The following GAS7 variants were observed in gnomAD, a reference collection of about 807,000 sequenced individuals.
GAS7 encodes growth arrest-specific protein 7.
Under a neutral mutation model 71.1 loss-of-function variants are expected in GAS7, and 28 were observed. That is an observed-to-expected ratio of 0.39 (90% CI 0.29 to 0.54). GAS7 has a LOEUF of 0.54. GAS7 is among the 20% of genes least tolerant of loss of function. The pLI, the probability that GAS7 is intolerant of heterozygous loss-of-function variation, is 0.62. For missense variants in GAS7, 436 were observed against 627.8 expected (o/e 0.69, Z 3.27); for synonymous variants, 258 against 245.8 (o/e 1.05, Z -0.46).
At chr17:9,997,128 A>G (rs1280013867) in intron 2 of GAS7, among the ~76,000 whole-genome samples, 1 of 152,004 alleles carries the variant, frequency 6.6e-6, no homozygotes, top group East Asian at 1.9e-4. Flanking sequence ...AGGCTGAATC[A>G]GTCAATGCTA....
At chr17:10,011,967 C>A in intron 2 of GAS7, among the ~76,000 whole-genome samples, 1 of 141,476 alleles carries the variant, frequency 7.1e-6, no homozygotes. Flanking sequence ...AAGAGTGAAA[C>A]TCCATCTCAA....
chr17:10,067,426 G>A (rs2073293345), intron 1 of GAS7, among the ~76,000 whole-genome samples: 1 of 151,952 alleles, frequency 6.6e-6, no homozygotes, highest in African/African-American at 2.4e-5. Context: ...TGTAGTTTTA[G>A]TAGAGACGGG....
intron 1 of GAS7, among the ~76,000 whole-genome samples, chr17:10,184,061 AAAC>A (rs992743817): frequency 1.6e-4 from 24 of 152,136 alleles, no homozygotes; most frequent in Admixed American, 2.6e-4. Context: ...AAACCACACA[AAAC>A]AACCAGTTAT....
At chr17:9,993,527 T>C (rs1039256131) in intron 2 of GAS7, among the ~76,000 whole-genome samples, 19 of 152,232 alleles carry the variant, frequency 1.2e-4, no homozygotes, top group African/African-American at 4.6e-4. Flanking sequence ...ATGGGACGTA[T>C]TTCAAAATAA....
chr17:10,001,205 A>C (rs987728206), intron 2 of GAS7, among the ~76,000 whole-genome samples: 1 of 152,200 alleles, frequency 6.6e-6, no homozygotes, highest in Non-Finnish European at 1.5e-5. Context: ...AATCTGAGAA[A>C]GATCAAGAGA....
At chr17:10,181,815 G>C (rs183613706) in intron 1 of GAS7, among the ~76,000 whole-genome samples, 3 of 152,292 alleles carry the variant, frequency 2.0e-5, no homozygotes, top group Admixed American at 1.3e-4. Flanking sequence ...GATCAAACAG[G>C]ATCCAGTAAA....
intron 1 of GAS7, among the ~76,000 whole-genome samples, chr17:10,190,849 CA>C (rs199548142): frequency 0.013 from 1,715 of 136,472 alleles, 36 homozygotes; most frequent in South Asian, 0.077. Context: ...ATATATCTCA[CA>C]AAAAAAAAAA....
At chr17:10,126,511 TCACA>T (rs370747217) in intron 1 of GAS7, among the ~76,000 whole-genome samples, 1 of 139,232 alleles carries the variant, frequency 7.2e-6, no homozygotes, top group Non-Finnish European at 1.5e-5. Flanking sequence ...CAAACACGTA[TCACA>T]CACGCACACA....
intron 3 of GAS7, among the ~76,000 whole-genome samples, chr17:9,980,047 T>C (rs2070355913): frequency 1.3e-5 from 2 of 151,414 alleles, no homozygotes; most frequent in African/African-American, 4.9e-5. Flanking sequence ...ACACAGGGGG[T>C]TCCTTTCTTA....
At chr17:10,120,223 C>T (rs868165944) in intron 1 of GAS7, among the ~76,000 whole-genome samples, 3 of 151,230 alleles carry the variant, frequency 2.0e-5, no homozygotes, top group Non-Finnish European at 2.9e-5. Flanking sequence ...ACAGAAGGTA[C>T]GGCCACCAGG....
intron 1 of GAS7, among the ~76,000 whole-genome samples, chr17:10,184,440 T>C (rs1194555858): frequency 6.6e-6 from 1 of 152,318 alleles, no homozygotes; most frequent in South Asian, 2.1e-4. Flanking sequence ...GGTAGCCTCA[T>C]ATAATCCACT....
At chr17:9,947,492 C>T (rs558905547) in intron 5 of GAS7, among the ~76,000 whole-genome samples, 1 of 152,248 alleles carries the variant, frequency 6.6e-6, no homozygotes, top group South Asian at 2.1e-4. Flanking sequence ...CGCCTGTAAT[C>T]CCAGCACTTT....
intron 4 of GAS7, among the ~76,000 whole-genome samples, chr17:9,968,938 A>G (rs1336737878): frequency 6.6e-6 from 1 of 152,206 alleles, no homozygotes; most frequent in Non-Finnish European, 1.5e-5. Context: ...AAGCTTCATT[A>G]AGAACATCTT....
chr17:10,006,037 A>C (rs1045229625), intron 2 of GAS7, among the ~76,000 whole-genome samples: 1 of 152,154 alleles, frequency 6.6e-6, no homozygotes, highest in Non-Finnish European at 1.5e-5. Context: ...CCACTAAGCC[A>C]CTGGGCTCTG....
At chr17:10,086,950 G>A (rs1203371333) in intron 1 of GAS7, among the ~76,000 whole-genome samples, 2 of 152,322 alleles carry the variant, frequency 1.3e-5, no homozygotes, top group South Asian at 2.1e-4. Flanking sequence ...AGGCTGCAAG[G>A]AGCCTATCAG....
At chr17:9,948,618 G>A (rs2068881759) in intron 5 of GAS7, among the ~76,000 whole-genome samples, 2 of 152,140 alleles carry the variant, frequency 1.3e-5, no homozygotes, top group Middle Eastern at 3.2e-3. Context: ...AAGAAGCAGA[G>A]GTTGCAGTGA....
rs1211779091 is a variant in GAS7 at position 9,912,261 on chromosome 17, G to A, written c.*4967C>T. 4 of 232,820 alleles carry A rather than the reference G, an allele frequency of 1.7e-5. No individual in the cohort carries two copies. The highest frequency in any genetic ancestry group is 6.6e-5 in the African/African-American group (3 of 45,298). 14.4% of individuals were successfully genotyped at this position (232,820 alleles called of 1,614,324 possible). The stretch of plus-strand genomic sequence containing the variant: ...CAGGACTTGAGGCAATTCTATGCAC[G>A]ATTGTGCAGATGAGAGCCAGACACA... On this transcript the variant is annotated 3_prime_UTR_variant, in exon 14 of 14. Transcript: ENST00000432992.
At chr17:10,115,249 G>A (rs2073850077) in intron 1 of GAS7, among the ~76,000 whole-genome samples, 1 of 152,250 alleles carries the variant, frequency 6.6e-6, no homozygotes, top group Non-Finnish European at 1.5e-5. Context: ...AGCTGAGTGA[G>A]TCACCAGCCA....
intron 1 of GAS7, among the ~76,000 whole-genome samples, chr17:10,066,977 G>A (rs1168342566): frequency 1.3e-5 from 2 of 152,128 alleles, no homozygotes; most frequent in African/African-American, 4.8e-5. Flanking sequence ...TAATGATGAT[G>A]TAAGTATTAA....
Sources: allele counts gnomAD v4.1 joint callset (sites outside exome capture counted in the v4.1 genomes callset), GRCh38; gene constraint gnomAD v4.1.1; transcripts MANE v1.5; gene names NCBI Gene and HGNC (gene_info 2026-07-23, HGNC 2026-07-21).